CNTN4: variants seen among roughly 807,000 people sequenced by gnomAD.
CNTN4 encodes contactin 4, also known as contactin-4.
CNTN4 carries 77 observed loss-of-function variants against 122.5 expected under a neutral mutation model. The observed-to-expected ratio is 0.63, with a 90% CI of 0.52 to 0.76. CNTN4 has a LOEUF of 0.76. CNTN4 is among the 30% of genes least tolerant of loss of function. The probability of loss-of-function intolerance (pLI) is 0.00; values close to 1 mark genes in which losing one functional copy is unlikely to be tolerated. For missense variants in CNTN4, 1,256 were observed against 1,259.1 expected (o/e 1.00, Z 0.04); for synonymous variants, 512 against 447.0 (o/e 1.15, Z -1.83).
chr3:2,521,321 A>G (rs2077204289), intron 3 of CNTN4, among the ~76,000 whole-genome samples: 1 of 150,020 alleles, frequency 6.7e-6, no homozygotes, highest in Non-Finnish European at 1.5e-5. Flanking sequence ...TGTTTCTGTG[A>G]ACAAGGGTGG....
At chr3:2,412,393 A>T (rs1232210351) in intron 3 of CNTN4, among the ~76,000 whole-genome samples, 3 of 151,982 alleles carry the variant, frequency 2.0e-5, no homozygotes, top group Non-Finnish European at 4.4e-5. Context: ...CTGGGATTAC[A>T]GGTCCCCACC....
chr3:2,575,809 CTTTT>C (rs56303805), intron 4 of CNTN4, among the ~76,000 whole-genome samples: 1 of 101,250 alleles, frequency 9.9e-6, no homozygotes. Flanking sequence ...TCTTCTTCTT[CTTTT>C]TTTTTTTTTT....
intron 4 of CNTN4, among the ~76,000 whole-genome samples, chr3:2,708,447 T>TGGAGGGG (rs1256442322): frequency 6.6e-6 from 1 of 152,180 alleles, no homozygotes; most frequent in East Asian, 1.9e-4. Flanking sequence ...TGTCCATTCT[T>TGGAGGGG]GGAGGGGATA....
chr3:2,215,709 C>T (rs1203049042), intron 2 of CNTN4, among the ~76,000 whole-genome samples: 5 of 151,672 alleles, frequency 3.3e-5, no homozygotes, highest in Non-Finnish European at 7.4e-5. Context: ...GGTGAAACCC[C>T]GTCTCTACTA....
At chr3:3,017,066 T>G (rs1697827408) in intron 14 of CNTN4, among the ~76,000 whole-genome samples, 1 of 152,236 alleles carries the variant, frequency 6.6e-6, no homozygotes, top group South Asian at 2.1e-4. Context: ...ACGTGCCCTA[T>G]GCTACTTCTG....
intron 3 of CNTN4, among the ~76,000 whole-genome samples, chr3:2,518,215 A>ATGTGTGTG (rs59623316): frequency 1.3e-3 from 198 of 150,842 alleles, no homozygotes; most frequent in African/African-American, 4.5e-3. Flanking sequence ...TTAGGTTAAT[A>ATGTGTGTG]TGTGTGTGTG....
intron 2 of CNTN4, among the ~76,000 whole-genome samples, chr3:2,277,929 T>A (rs993197825): frequency 6.7e-6 from 1 of 150,160 alleles, no homozygotes; most frequent in African/African-American, 2.4e-5. Context: ...CAGAGGATAA[T>A]GGCTTAAATT....
intron 3 of CNTN4, among the ~76,000 whole-genome samples, chr3:2,436,657 C>G (rs1484143827): frequency 6.6e-6 from 1 of 151,914 alleles, no homozygotes. Context: ...ATGCCATCAA[C>G]TCTGACAGCT....
At chr3:2,305,820 C>T (rs567944771) in intron 2 of CNTN4, among the ~76,000 whole-genome samples, 1 of 152,152 alleles carries the variant, frequency 6.6e-6, no homozygotes, top group African/African-American at 2.4e-5. Context: ...CTAACAACCA[C>T]CAATGTACAA....
intron 17 of CNTN4, among the ~76,000 whole-genome samples, chr3:3,035,421 A>T (rs1699519709): frequency 6.6e-6 from 1 of 152,186 alleles, no homozygotes; most frequent in African/African-American, 2.4e-5. Flanking sequence ...ACCTAAAATC[A>T]TCTGTGTAGC....
At chr3:2,393,654 T>A (rs1006843203) in intron 3 of CNTN4, among the ~76,000 whole-genome samples, 1 of 152,186 alleles carries the variant, frequency 6.6e-6, no homozygotes, top group African/African-American at 2.4e-5. Flanking sequence ...CCTTCTTTTT[T>A]AAATTATCAT....
chr3:2,614,622 AC>A (rs1178864605), intron 4 of CNTN4, among the ~76,000 whole-genome samples: 3 of 152,164 alleles, frequency 2.0e-5, no homozygotes, highest in African/African-American at 4.8e-5. Flanking sequence ...GAACTTTCAA[AC>A]TTCTGGCTTG....
intron 4 of CNTN4, among the ~76,000 whole-genome samples, chr3:2,696,825 A>G (rs2086060504): frequency 6.7e-6 from 1 of 149,934 alleles, no homozygotes; most frequent in Non-Finnish European, 1.5e-5. Flanking sequence ...GCTTACATCC[A>G]TTTCATAAGA....
At chr3:2,662,986 C>A (rs2083974360) in intron 4 of CNTN4, among the ~76,000 whole-genome samples, 1 of 151,936 alleles carries the variant, frequency 6.6e-6, no homozygotes, top group Non-Finnish European at 1.5e-5. Context: ...CCTGTAATCC[C>A]AGCTGCTCAG....
At chr3:2,171,738 A>G (rs1272649220) in intron 2 of CNTN4, among the ~76,000 whole-genome samples, 1 of 152,216 alleles carries the variant, frequency 6.6e-6, no homozygotes, top group Non-Finnish European at 1.5e-5. Context: ...CTCCAGTCAC[A>G]TCAAAAACCA....
At chr3:2,409,044 C>T (rs2151019437) in intron 3 of CNTN4, among the ~76,000 whole-genome samples, 1 of 152,186 alleles carries the variant, frequency 6.6e-6, no homozygotes, top group Non-Finnish European at 1.5e-5. Flanking sequence ...ATATCTTTTA[C>T]ATTTGCGTTG....
intron 2 of CNTN4, among the ~76,000 whole-genome samples, chr3:2,102,490 C>T (rs2032062363): frequency 6.6e-6 from 1 of 152,134 alleles, no homozygotes; most frequent in South Asian, 2.1e-4. Context: ...AAAAGGGATA[C>T]TGCCTCAGAT....
At chr3:2,737,411 T>C (rs2089192540) in intron 5 of CNTN4, among the ~76,000 whole-genome samples, 1 of 152,196 alleles carries the variant, frequency 6.6e-6, no homozygotes, top group African/African-American at 2.4e-5. Context: ...GCATCATAGA[T>C]ATCCTGAAAG....
intron 13 of CNTN4, among the ~76,000 whole-genome samples, chr3:2,950,336 A>G (rs1484597743): frequency 6.6e-6 from 1 of 152,206 alleles, no homozygotes; most frequent in Non-Finnish European, 1.5e-5. Context: ...GAGTCATTGT[A>G]TGTCCATGCT....
Sources: gnomAD v4.1 joint callset for allele counts (sites outside exome capture counted in the v4.1 genomes callset) on GRCh38, gnomAD v4.1.1 for gene constraint, MANE v1.5 for transcripts, NCBI Gene and HGNC (gene_info 2026-07-23, HGNC 2026-07-21) for gene names.